CCDC22: variants seen among roughly 807,000 people sequenced by gnomAD.
CCDC22 encodes CCC complex scaffolding subunit CCDC22.
CCDC22 carries 4 observed loss-of-function variants against 53.1 expected under a neutral mutation model. That is an observed-to-expected ratio of 0.08 (90% confidence interval 0.04 to 0.17). The LOEUF is 0.17. CCDC22 is among the 10% of genes least tolerant of loss of function. CCDC22 has a pLI of 1.00. For synonymous variants in CCDC22, 222 were observed against 224.4 expected, an observed-to-expected ratio of 0.99 and a Z score of 0.10; for missense variants, 458 against 554.0, an observed-to-expected ratio of 0.83 and a Z score of 1.74.
intron 16 of CCDC22, 23 bp downstream of exon 16, chrX:49,249,748 G>A (rs782794803): frequency 4.3e-6 from 5 of 1,160,623 alleles, no homozygotes; most frequent in Non-Finnish European, 5.9e-6. Context: ...GGCAGGATGG[G>A]GAGCCAAGGC....
At chrX:49,245,209 TTCTG>T (rs2065983528) in intron 6 of CCDC22, among the ~76,000 whole-genome samples, 4 of 109,696 alleles carry the variant, frequency 3.6e-5, no homozygotes, top group African/African-American at 1.0e-4. Context: ...CCCCCTCCCC[TTCTG>T]TCTGCCTCTT....
intron 9 of CCDC22, among the ~76,000 whole-genome samples, 167 bp downstream of exon 9, chrX:49,247,935 C>G (rs1415146832): frequency 1.8e-5 from 2 of 111,146 alleles, no homozygotes; most frequent in Admixed American, 1.9e-4. Context: ...CTATGAGAAT[C>G]AGGCCAGGGT....
rs1557114435 is a variant in CCDC22, at chrX:49,247,577, AG to A, written c.972+25del. The stretch of plus-strand genomic sequence containing the variant: ...TGAACAGGTGAGCAGAGTGGTTTGG[AG>A]GGGGGTGTCCCAGGCCCTTGCTTGT... On this transcript the variant is annotated intron_variant, in intron 8 of 16. Coordinates refer to ENST00000376227, the MANE Select transcript of CCDC22 (RefSeq NM_014008.5). The A allele has an allele frequency of 1.7e-6, 2 of 1,192,308 alleles. No homozygotes were observed. Among genetic ancestry groups the A allele is most frequent in the Non-Finnish European group, 2.3e-6 (2 of 885,839 alleles).
At chrX:49,241,628 C>G (rs1386195230) in intron 2 of CCDC22, among the ~76,000 whole-genome samples, 1 of 111,479 alleles carries the variant, frequency 9.0e-6, no homozygotes, top group African/African-American at 3.3e-5. Context: ...TTTAGGCACT[C>G]TTTCTATAAT....
Position 49,242,974 on chromosome X carries a change from C to G in CCDC22, c.450C>G (p.Pro150=), listed in dbSNP as rs1162135396. The change falls in exon 4 of 17, where the codon CCC becomes CCG. Residue 150 remains proline (P), a synonymous_variant. Coordinates refer to ENST00000376227, the MANE Select transcript of CCDC22 (RefSeq NM_014008.5). ...LPWVPPHLRT[P]KLQHLQGSAL... ...GGGTCCCGCCCCACCTTCGCACTCCCAAGCTGCAGCACCTCCAGGTGAGAC... is the reference window on the plus strand; with the variant it reads ...GGGTCCCGCCCCACCTTCGCACTCCGAAGCTGCAGCACCTCCAGGTGAGAC... The G allele has an allele frequency of 3.5e-6, 4 of 1,150,612 alleles. No individual in the cohort carries two copies. In the African/African-American group the frequency reaches 7.2e-5, roughly 21 times the overall value. 94.8% of individuals were successfully genotyped at this position (1,150,612 alleles called of 1,213,427 possible). A position where few individuals can be genotyped will look rare whatever the true frequency, so the allele number is the denominator to read the frequency against.
At position 49,249,665 on chromosome X, in the gene CCDC22, C is replaced by T. The variant is rs782719295; in HGVS notation, c.1710C>T (p.Leu570=). ...LAALHENCSQ[L]IQTIEDTGTI... is the part of the protein sequence containing the mutation. Reference sequence around the variant, plus strand: ...GTTGTCCCCAGAACTGCAGCCAGCTCATCCAGACCATCGAGGACACAGGCA... The same window carrying T: ...GTTGTCCCCAGAACTGCAGCCAGCTTATCCAGACCATCGAGGACACAGGCA... The change falls in exon 16 of 17, where the codon CTC becomes CTT. Residue 570 remains leucine (L), a synonymous_variant. Transcript: ENST00000376227. 8 of 1,210,445 alleles carry T rather than the reference C, an allele frequency of 6.6e-6. No homozygotes were observed. Among genetic ancestry groups the T allele is most frequent in the South Asian group, 1.8e-5 (1 of 56,953 alleles).
intron 7 of CCDC22, 117 bp from the exon 8 acceptor site, chrX:49,247,379 G>A (rs998080782): frequency 2.8e-5 from 18 of 639,891 alleles, no homozygotes; most frequent in Admixed American, 1.2e-4. Flanking sequence ...GGCCACCATC[G>A]GTGCTTCAGT....
At chrX:49,246,635 C>G in intron 6 of CCDC22, 96 bp from the exon 7 acceptor site, 1 of 760,377 alleles carries the variant, frequency 1.3e-6, no homozygotes, top group Non-Finnish European at 1.8e-6. Flanking sequence ...GGTGACTTGT[C>G]AGTATACTCT....
At chrX:49,237,768 T>A (rs2065944730) in intron 2 of CCDC22, among the ~76,000 whole-genome samples, 1 of 106,486 alleles carries the variant, frequency 9.4e-6, no homozygotes, top group African/African-American at 3.4e-5. Flanking sequence ...CCTTTTTTTT[T>A]TTTTTTTTTG....
At chrX:49,240,962 T>C (rs781798374) in intron 2 of CCDC22, among the ~76,000 whole-genome samples, 3 of 112,501 alleles carry the variant, frequency 2.7e-5, no homozygotes, top group Non-Finnish European at 5.6e-5. Flanking sequence ...GTGTACTCTG[T>C]GCCAGGCCCT....
chrX:49,243,610 T>G (rs912526736), intron 6 of CCDC22, 148 bp downstream of exon 6: 1 of 476,324 alleles, frequency 2.1e-6, no homozygotes, highest in Non-Finnish European at 3.4e-6. Flanking sequence ...GAAAGAACAC[T>G]GGAGTCAGAA....
At chrX:49,238,386 T>G (rs901877212) in intron 2 of CCDC22, among the ~76,000 whole-genome samples, 20 of 111,303 alleles carry the variant, frequency 1.8e-4, no homozygotes, top group African/African-American at 5.9e-4. Context: ...GCCGACACGG[T>G]CATTCCTATA....
chrX:49,237,324 G>C lies in CCDC22; in HGVS notation c.228+61G>C, dbSNP rs1451840799. Reference sequence around the variant, plus strand: ...TCTTCCTCTTTTACAAAGTAACCAAGTTCCTTTGCAACACTTGCCTTTCCT... The same window carrying C: ...TCTTCCTCTTTTACAAAGTAACCAACTTCCTTTGCAACACTTGCCTTTCCT... On this transcript the variant is annotated intron_variant, in intron 2 of 16. Coordinates refer to ENST00000376227, the MANE Select transcript of CCDC22 (RefSeq NM_014008.5). 3.8e-6 allele frequency: 4 copies of C among 1,057,229 alleles called. No homozygotes were observed. In the East Asian group the frequency reaches 1.2e-4, roughly 33 times the overall value. 87.1% of individuals were successfully genotyped at this position (1,057,229 alleles called of 1,213,427 possible).
At chrX:49,249,615 G>GGGGGGGGGC in intron 15 of CCDC22, 36 bp from the exon 16 acceptor site, 2 of 406,740 alleles carry the variant, frequency 4.9e-6, no homozygotes, top group East Asian at 7.5e-5. Context: ...GGGTGGGTGG[G>GGGGGGGGGC]ACTGGGTGCA....
intron 1 of CCDC22, 48 bp downstream of exon 1, chrX:49,235,734 T>G: frequency 9.3e-7 from 1 of 1,078,133 alleles, no homozygotes; most frequent in Non-Finnish European, 1.3e-6. Context: ...TCCGGGACTC[T>G]AAAGCCCAGG....
intron 13 of CCDC22, 108 bp from the exon 14 acceptor site, chrX:49,249,059 G>A (rs1310929483): frequency 9.0e-7 from 1 of 1,114,321 alleles, no homozygotes; most frequent in Non-Finnish European, 1.2e-6. Flanking sequence ...ATCCATCCCA[G>A]TCACCCCTGA....
Position 49,247,517 on chromosome X carries a change from C to A in CCDC22, c.931C>A (p.Gln311Lys), listed in dbSNP as rs781947521. 3 of 1,198,985 alleles carry A rather than the reference C, an allele frequency of 2.5e-6. No homozygotes were observed. In the South Asian group the frequency reaches 5.5e-5, roughly 22 times the overall value. The change falls in exon 8 of 17, where the codon CAG becomes AAG. Residue 311 changes from glutamine (Q) to lysine (K), a missense_variant. Coordinates refer to ENST00000376227, the MANE Select transcript of CCDC22 (RefSeq NM_014008.5). Reference protein sequence around the residue: ...FHLEPQAQATQVSDVPATSRR... With the variant: ...FHLEPQAQATKVSDVPATSRR... ...TTAGGAGCCCCAGGCCCAGGCCACT[C>A]AGGTGTCAGATGTGCCAGCCACCTC...
At chrX:49,237,342 C>A in intron 2 of CCDC22, 79 bp downstream of exon 2, 1 of 928,177 alleles carries the variant, frequency 1.1e-6, no homozygotes, top group Non-Finnish European at 1.5e-6. Flanking sequence ...GCAACACTTG[C>A]CTTTCCTCTG....
At chrX:49,245,626 C>T (rs2065985507) in intron 6 of CCDC22, among the ~76,000 whole-genome samples, 1 of 112,353 alleles carries the variant, frequency 8.9e-6, no homozygotes, top group South Asian at 3.7e-4. Flanking sequence ...CTGCCTCGGC[C>T]TCCCAAAGTG....
Sources: gnomAD v4.1 joint callset for allele counts (sites outside exome capture counted in the v4.1 genomes callset) on GRCh38, gnomAD v4.1.1 for gene constraint, MANE v1.5 for transcripts, NCBI Gene and HGNC (gene_info 2026-07-23, HGNC 2026-07-21) for gene names.